PRKG1: variants seen among roughly 807,000 people sequenced by gnomAD.
The protein encoded by PRKG1 is protein kinase cGMP-dependent 1, also known as cGMP-dependent protein kinase 1.
In PRKG1, 35 loss-of-function variants were observed where a neutral mutation model predicts 88.1. The observed-to-expected ratio is 0.40, with a 90% CI of 0.30 to 0.53. The LOEUF (loss-of-function observed/expected upper bound fraction) is 0.53, where lower values mean the gene tolerates loss of function less well. Among genes scored for constraint, PRKG1 ranks in the 20% least tolerant of loss-of-function variants. The pLI is 0.59. For synonymous variants in PRKG1, 303 were observed against 292.5 expected (o/e 1.04, Z -0.37); for missense variants, 540 against 839.8 (o/e 0.64, Z 4.41).
chr10:51,708,428 C>T (rs531303394), intron 3 of PRKG1, among the ~76,000 whole-genome samples: 1 of 152,244 alleles, frequency 6.6e-6, no homozygotes, highest in Non-Finnish European at 1.5e-5. Flanking sequence ...AGCAGTAATG[C>T]AGTAACCTCT....
intron 9 of PRKG1, among the ~76,000 whole-genome samples, chr10:52,188,259 TATAC>T (rs1219097953): frequency 0.062 from 658 of 10,612 alleles, 20 homozygotes; most frequent in African/African-American, 0.18. Flanking sequence ...TGTGTATATA[TATAC>T]ATATGTATAT....
intron 2 of PRKG1, among the ~76,000 whole-genome samples, chr10:51,297,968 T>C (rs1211877867): frequency 6.6e-6 from 1 of 152,130 alleles, no homozygotes; most frequent in Non-Finnish European, 1.5e-5. Flanking sequence ...CTATAAGTGA[T>C]ATATTTATAT....
chr10:51,972,875 A>G (rs2133093517), intron 5 of PRKG1, among the ~76,000 whole-genome samples: 1 of 151,946 alleles, frequency 6.6e-6, no homozygotes, highest in East Asian at 1.9e-4. Flanking sequence ...TATTTTTGCC[A>G]CTTCATTGGA....
chr10:51,192,493 A>G (rs1837655779), intron 2 of PRKG1, among the ~76,000 whole-genome samples: 1 of 152,008 alleles, frequency 6.6e-6, no homozygotes, highest in African/African-American at 2.4e-5. Context: ...CTTTTATTTA[A>G]AATTCCATTC....
At chr10:51,599,508 T>C (rs953064662) in intron 3 of PRKG1, among the ~76,000 whole-genome samples, 5 of 152,208 alleles carry the variant, frequency 3.3e-5, no homozygotes, top group Non-Finnish European at 5.9e-5. Context: ...AATCAAATTA[T>C]TAGTATTGAT....
intron 2 of PRKG1, among the ~76,000 whole-genome samples, chr10:51,413,012 A>G (rs897206046): frequency 6.6e-6 from 1 of 152,214 alleles, no homozygotes; most frequent in Non-Finnish European, 1.5e-5. Flanking sequence ...GGGCCTTATA[A>G]AGATTAAAAA....
At chr10:51,208,805 T>TA (rs1564638800) in intron 2 of PRKG1, among the ~76,000 whole-genome samples, 1 of 152,124 alleles carries the variant, frequency 6.6e-6, no homozygotes. Flanking sequence ...TGTTGGGAAA[T>TA]ACTCCTAGGA....
intron 3 of PRKG1, among the ~76,000 whole-genome samples, chr10:51,561,212 G>A (rs912462461): frequency 2.6e-5 from 4 of 152,040 alleles, no homozygotes; most frequent in African/African-American, 9.7e-5. Context: ...AGATATGCTG[G>A]AGGGAGCAGA....
chr10:51,220,176 C>G (rs1338207147), intron 2 of PRKG1, among the ~76,000 whole-genome samples: 1 of 151,862 alleles, frequency 6.6e-6, no homozygotes, highest in Non-Finnish European at 1.5e-5. Context: ...TTTGGAGAGG[C>G]CACTGGCTGA....
chr10:52,235,814 A>G (rs200412350), intron 9 of PRKG1, among the ~76,000 whole-genome samples: 57,255 of 119,080 alleles, frequency 0.48, 14,782 homozygotes, highest in East Asian at 0.75. Flanking sequence ...CACCAAGCGG[A>G]CCTAATAGAC....
chr10:52,287,602 C>T (rs932948298), intron 14 of PRKG1, among the ~76,000 whole-genome samples: 1 of 151,768 alleles, frequency 6.6e-6, no homozygotes, highest in Non-Finnish European at 1.5e-5. Flanking sequence ...CATCATCTCC[C>T]CTCTGAATTG....
At chr10:51,255,293 G>A (rs957122856) in intron 2 of PRKG1, among the ~76,000 whole-genome samples, 1 of 152,004 alleles carries the variant, frequency 6.6e-6, no homozygotes, top group Non-Finnish European at 1.5e-5. Flanking sequence ...TTGATTTCAT[G>A]GCTCATATCT....
intron 5 of PRKG1, among the ~76,000 whole-genome samples, chr10:51,976,301 A>G: frequency 6.6e-6 from 1 of 152,040 alleles, no homozygotes; most frequent in African/African-American, 2.4e-5. Context: ...AAACTTCTAC[A>G]TGGATGTCCA....
At chr10:51,317,613 G>T (rs1247101699) in intron 2 of PRKG1, among the ~76,000 whole-genome samples, 2 of 152,172 alleles carry the variant, frequency 1.3e-5, no homozygotes, top group Non-Finnish European at 2.9e-5. Context: ...AGAGCCCAGA[G>T]TAATAGGGAG....
intron 8 of PRKG1, among the ~76,000 whole-genome samples, chr10:52,134,306 AT>A (rs1169886496): frequency 2.0e-5 from 3 of 152,002 alleles, no homozygotes; most frequent in African/African-American, 4.8e-5. Context: ...GAAATGGGTT[AT>A]TTTTTTAGTA....
chr10:51,924,376 G>A (rs946417927), intron 5 of PRKG1, among the ~76,000 whole-genome samples: 1 of 152,008 alleles, frequency 6.6e-6, no homozygotes, highest in African/African-American at 2.4e-5. Flanking sequence ...CTTCTTGCTT[G>A]TATGGTTTTT....
At chr10:52,217,093 A>G (rs1023250963) in intron 9 of PRKG1, among the ~76,000 whole-genome samples, 7 of 152,154 alleles carry the variant, frequency 4.6e-5, no homozygotes, top group African/African-American at 1.7e-4. Flanking sequence ...CTCAAACCAC[A>G]GGTCATGGAA....
chr10:51,108,399 C>A (rs1844899366), intron 1 of PRKG1, among the ~76,000 whole-genome samples: 2 of 152,014 alleles, frequency 1.3e-5, no homozygotes, highest in Admixed American at 1.3e-4. Context: ...AAAGATAATT[C>A]TTCATTATCC....
At chr10:51,454,131 C>G (rs1280925853) in intron 2 of PRKG1, among the ~76,000 whole-genome samples, 1 of 151,970 alleles carries the variant, frequency 6.6e-6, no homozygotes, top group Non-Finnish European at 1.5e-5. Flanking sequence ...CCATGCTCAT[C>G]GATGGGTAGA....
Sources: gnomAD v4.1 joint callset for allele counts (sites outside exome capture counted in the v4.1 genomes callset) on GRCh38, gnomAD v4.1.1 for gene constraint, MANE v1.5 for transcripts, NCBI Gene and HGNC (gene_info 2026-07-23, HGNC 2026-07-21) for gene names.